SLC25A27: variants seen among roughly 807,000 people sequenced by gnomAD.
SLC25A27 encodes the protein mitochondrial uncoupling protein 4.
Under a neutral mutation model 49.1 loss-of-function variants are expected in SLC25A27, and 35 were observed. The ratio of observed to expected loss-of-function variants is 0.71; its 90% CI spans 0.54 to 0.95. The LOEUF is 0.95. Ranked by LOEUF, SLC25A27 falls within the 40% of genes least tolerant of loss-of-function variation. The pLI is 0.00. For missense variants in SLC25A27, 339 were observed against 397.1 expected (o/e 0.85, Z 1.24); for synonymous variants, 144 against 136.9 (o/e 1.05, Z -0.36).
chr6:46,667,728 A>G (rs1294830004), intron 5 of SLC25A27, among the ~76,000 whole-genome samples: 1 of 152,224 alleles, frequency 6.6e-6, no homozygotes, highest in African/African-American at 2.4e-5. Context: ...TAAAATTAAT[A>G]GAAACTATTC....
chr6:46,673,712 A>G (rs1199865486), intron 8 of SLC25A27, among the ~76,000 whole-genome samples: 1 of 152,198 alleles, frequency 6.6e-6, no homozygotes, highest in Non-Finnish European at 1.5e-5. Context: ...CTAGAGAAGT[A>G]CTTAAGGACC....
At chr6:46,658,659 G>T (rs1420147716) in intron 2 of SLC25A27, 4 of 407,722 alleles carry the variant, frequency 9.8e-6, no homozygotes, top group Non-Finnish European at 1.8e-5. Flanking sequence ...TCAGAGAGCA[G>T]TTTCTGAAAA....
chr6:46,653,000 G>C lies in SLC25A27; in HGVS notation c.-193G>C. ...GTGTTTTTCTATTCTGGGGTGTAAG[G>C]GGCAGCTGGACCACTCCAGCTGGGA... On this transcript the variant is annotated 5_prime_UTR_variant, in exon 1 of 9. Transcript: ENST00000371347. 1 of 602,562 alleles carries C rather than the reference G, an allele frequency of 1.7e-6. No homozygotes were observed. Among genetic ancestry groups the C allele is most frequent in the African/African-American group, 1.9e-5 (1 of 53,668 alleles). The allele number at this position is 602,562 out of a possible 1,614,324, so 37.3% of individuals were successfully genotyped here.
intron 1 of SLC25A27, among the ~76,000 whole-genome samples, chr6:46,655,531 G>GTTTTTTTTTTTTTTTTTT (rs1283936753): frequency 3.0e-5 from 3 of 98,548 alleles, no homozygotes; most frequent in Non-Finnish European, 4.3e-5. Flanking sequence ...TATTGTTAAT[G>GTTTTTTTTTTTTTTTTTT]TTTGTTTTTT....
chr6:46,663,465 T>C (rs563127028), intron 4 of SLC25A27, among the ~76,000 whole-genome samples: 1 of 152,176 alleles, frequency 6.6e-6, no homozygotes, highest in African/African-American at 2.4e-5. Context: ...AGGGTACCAC[T>C]GTGACTTAAC....
rs374745926 is a variant in SLC25A27, at chr6:46,664,797, T to G, written c.530T>G (p.Phe177Cys). 1 of 1,608,028 alleles carries G rather than the reference T, an allele frequency of 6.2e-7. No individual in the cohort carries two copies. The highest frequency in any genetic ancestry group is 8.5e-7 in the Non-Finnish European group (1 of 1,176,534). Residue 177 changes from phenylalanine to cysteine, a missense_variant, in exon 5 of 9, where the codon TTT becomes TGT. Physicochemically the swap from Phe to Cys is radical, Grantham distance 205. Transcript: ENST00000371347. ...AGATTTCGTGGTGTACATCATGCAT[T>G]TGCAAAAATCTTAGCTGAAGGAGGA... ...PLRFRGVHHA[F>C]AKILAEGGIR... is the part of the protein sequence containing the mutation.
At position 46,652,993 on chromosome 6, in the gene SLC25A27, G is replaced by A. The variant is rs1762803029; in HGVS notation, c.-200G>A. 1 of 600,038 alleles carries A rather than the reference G, an allele frequency of 1.7e-6. No individual in the cohort carries two copies. Among genetic ancestry groups the A allele is most frequent in the East Asian group, 2.8e-5 (1 of 35,812 alleles). The allele number at this position is 600,038 out of a possible 1,614,324, so 37.2% of individuals were successfully genotyped here. ...CTCCGCTGTGTTTTTCTATTCTGGGGTGTAAGGGGCAGCTGGACCACTCCA... is the reference window on the plus strand; with the variant it reads ...CTCCGCTGTGTTTTTCTATTCTGGGATGTAAGGGGCAGCTGGACCACTCCA... On this transcript the variant is annotated 5_prime_UTR_variant, in exon 1 of 9. The change creates a new upstream start codon in the 5' untranslated region. Coordinates refer to ENST00000371347, the MANE Select transcript of SLC25A27 (RefSeq NM_004277.5).
intron 8 of SLC25A27, 73 bp from the exon 9 acceptor site, chr6:46,676,310 A>G (rs1464364732): frequency 1.5e-6 from 2 of 1,367,162 alleles, no homozygotes; most frequent in East Asian, 2.3e-5. Flanking sequence ...TCATTCAAAT[A>G]TATGTATGCA....
intron 2 of SLC25A27, among the ~76,000 whole-genome samples, chr6:46,658,151 A>G (rs80139913): frequency 7.2e-5 from 11 of 152,190 alleles, no homozygotes; most frequent in African/African-American, 2.2e-4. Flanking sequence ...TAAAGATTCA[A>G]TTCTCCATAT....
chr6:46,659,172 A>G (rs556938821), intron 3 of SLC25A27, 126 bp downstream of exon 3: 41 of 664,264 alleles, frequency 6.2e-5, no homozygotes, highest in South Asian at 4.5e-4. Context: ...TAATTACAAT[A>G]TAAGTCCAGA....
intron 7 of SLC25A27, 131 bp from the exon 8 acceptor site, chr6:46,670,995 G>A (rs1227887838): frequency 1.7e-6 from 1 of 588,636 alleles, no homozygotes; most frequent in East Asian, 3.7e-5. Flanking sequence ...CTCCCAAAGT[G>A]CTGGGATTAC....
chr6:46,664,392 T>C (rs1762673235), intron 4 of SLC25A27, among the ~76,000 whole-genome samples: 1 of 152,202 alleles, frequency 6.6e-6, no homozygotes, highest in Non-Finnish European at 1.5e-5. Flanking sequence ...TCTAAAAATT[T>C]GCAGGTCCCT....
At chr6:46,653,410 C>G in intron 1 of SLC25A27, 112 bp downstream of exon 1, 3 of 1,440,462 alleles carry the variant, frequency 2.1e-6, no homozygotes, top group Middle Eastern at 2.4e-4. Flanking sequence ...GTCGCCCCTT[C>G]CATGCCCGCC....
Position 46,676,521 on chromosome 6 carries a change from C to T in SLC25A27, c.*67C>T. ...TATTGAAATATGGGCATCTGCAACA[C>T]ATACCCCCTATTATTTCTACCTCTT... is the stretch of plus-strand genomic sequence containing the variant. On this transcript the variant is annotated 3_prime_UTR_variant, in exon 9 of 9. Transcript: ENST00000371347. 3.1e-6 allele frequency: 5 copies of T among 1,611,364 alleles called. 1 individual carries two copies. The Middle Eastern group carries it at 5.0e-4, about 160-fold the overall frequency.
At chr6:46,668,836 C>A (rs563818543) in intron 6 of SLC25A27, 43 bp downstream of exon 6, 2 of 1,076,830 alleles carry the variant, frequency 1.9e-6, no homozygotes, top group African/African-American at 1.6e-5. Flanking sequence ...TTTTTTGTAT[C>A]ACTTTTTCTT....
chr6:46,668,068 G>T (rs931329299), intron 5 of SLC25A27, among the ~76,000 whole-genome samples: 2 of 152,214 alleles, frequency 1.3e-5, no homozygotes, highest in African/African-American at 2.4e-5. Flanking sequence ...AAAAGGGCCA[G>T]GCGCGGCGGC....
intron 3 of SLC25A27, among the ~76,000 whole-genome samples, chr6:46,661,123 G>T (rs1335591638): frequency 6.6e-6 from 1 of 152,022 alleles, no homozygotes; most frequent in African/African-American, 2.4e-5. Flanking sequence ...TTAGAATTAT[G>T]TAAAAAATAC....
At chr6:46,655,535 GTTTTTTTTTTTTTTTTTTTTTT>G (rs773585919) in intron 1 of SLC25A27, among the ~76,000 whole-genome samples, 8 of 10,710 alleles carry the variant, frequency 7.5e-4, no homozygotes, top group Admixed American at 1.3e-3. Flanking sequence ...GTTAATGTTT[GTTTTTTTTTTTTTTTTTTTTTT>G]TTTTTTTTTT....
At chr6:46,667,653 C>A (rs1217503381) in intron 5 of SLC25A27, among the ~76,000 whole-genome samples, 1 of 152,096 alleles carries the variant, frequency 6.6e-6, no homozygotes, top group Non-Finnish European at 1.5e-5. Flanking sequence ...GTTGTTTTCT[C>A]ATGCTTTCTT....
Sources: allele counts gnomAD v4.1 joint callset (sites outside exome capture counted in the v4.1 genomes callset), GRCh38; gene constraint gnomAD v4.1.1; transcripts MANE v1.5; gene names NCBI Gene and HGNC (gene_info 2026-07-23, HGNC 2026-07-21).